Variants in MEGF6 observed in about 807,000 individuals in gnomAD.
MEGF6 encodes multiple epidermal growth factor-like domains protein 6.
In MEGF6, 184 loss-of-function variants were observed where a neutral mutation model predicts 207.1. The observed-to-expected ratio is 0.89, with a 90% CI of 0.79 to 1.00. The LOEUF (loss-of-function observed/expected upper bound fraction) is 1.00. Among genes scored for constraint, MEGF6 ranks in the 50% least tolerant of loss-of-function variants. The pLI is 0.00. For synonymous variants in MEGF6, 1,038 were observed against 910.0 expected, an observed-to-expected ratio of 1.14 and a Z score of -2.53; for missense variants, 2,282 against 2,202.9, an observed-to-expected ratio of 1.04 and a Z score of -0.72.
chr1:3,612,573 T>A (rs1644342314), upstream of MEGF6, among the ~76,000 whole-genome samples: 1 of 152,134 alleles, frequency 6.6e-6, no homozygotes, highest in Non-Finnish European at 1.5e-5. Flanking sequence ...GCCCCCTCAT[T>A]AGCCACACAA....
chr1:3,526,122 C>T (rs1641952736), intron 4 of MEGF6, among the ~76,000 whole-genome samples: 1 of 152,234 alleles, frequency 6.6e-6, no homozygotes, highest in South Asian at 2.1e-4. Flanking sequence ...CGCCATGACC[C>T]CCACCAGAGA....
At position 3,489,200 on chromosome 1, in the gene MEGF6, A is replaced by T. The variant is rs1640254777; in HGVS notation, c.*1328T>A. ...AAAGTCTCCCCACAGCGGTCCATTC[A>T]TCAGCTTCCTCTGTGACAGCTCCCT... On this transcript the variant is annotated 3_prime_UTR_variant, in exon 37 of 37. Transcript: ENST00000356575. Among the ~76,000 whole-genome samples the T allele has an allele frequency of 6.6e-6, 1 of 152,140 alleles. No homozygotes were observed. The highest frequency in any genetic ancestry group is 2.1e-4 in the South Asian group (1 of 4,820).
intron 1 of MEGF6, among the ~76,000 whole-genome samples, chr1:3,604,481 C>T (rs1644212347): frequency 1.3e-5 from 2 of 152,200 alleles, no homozygotes; most frequent in African/African-American, 2.4e-5. Context: ...GCTGCACGAA[C>T]CCAGGGCAGG....
intron 4 of MEGF6, among the ~76,000 whole-genome samples, chr1:3,578,922 G>A (rs536176216): frequency 6.6e-6 from 1 of 151,136 alleles, no homozygotes; most frequent in African/African-American, 2.5e-5. Flanking sequence ...GAGTGGGCAG[G>A]GGTGTCCTTC....
intron 4 of MEGF6, among the ~76,000 whole-genome samples, chr1:3,544,140 A>G (rs1642623871): frequency 6.6e-6 from 1 of 151,530 alleles, no homozygotes; most frequent in Admixed American, 6.6e-5. Flanking sequence ...TACAGGGCCC[A>G]CCACCACCCC....
chr1:3,505,398 CCCAGA>C lies in MEGF6; in HGVS notation c.2053+19_2053+23del. 1 of 1,576,454 alleles carries C rather than the reference CCCAGA, an allele frequency of 6.3e-7. No individual in the cohort carries two copies. Among genetic ancestry groups the C allele is most frequent in the Non-Finnish European group, 8.6e-7 (1 of 1,160,010 alleles). On this transcript the variant is annotated intron_variant, in intron 16 of 36. Coordinates refer to ENST00000356575, the MANE Select transcript of MEGF6 (RefSeq NM_001409.4). ...TTAACCGACCCTGGCGCCCCCCGCC[CCCAGA>C]CCCCATGCCTGGACTCACCTGCCTG...
intron 31 of MEGF6, 44 bp downstream of exon 31, chr1:3,494,569 C>G (rs1640519784): frequency 1.3e-6 from 2 of 1,560,900 alleles, no homozygotes; most frequent in Non-Finnish European, 1.7e-6. Context: ...CCCAGGGCAC[C>G]TCCCTGAGGG....
At chr1:3,612,896 C>T (rs892102770), upstream of MEGF6, among the ~76,000 whole-genome samples, 13 of 152,188 alleles carry the variant, frequency 8.5e-5, no homozygotes, top group Non-Finnish European at 1.5e-4. Context: ...TGCTGTCACC[C>T]CAGCTTTACA....
At chr1:3,569,115 G>A (rs1055539897) in intron 4 of MEGF6, among the ~76,000 whole-genome samples, 1 of 152,162 alleles carries the variant, frequency 6.6e-6, no homozygotes, top group East Asian at 1.9e-4. Context: ...GACTCCATCC[G>A]CCATAGCCAC....
At chr1:3,497,159 G>C (rs537474633) in intron 27 of MEGF6, 40 bp from the exon 28 acceptor site, 1 of 1,545,230 alleles carries the variant, frequency 6.5e-7, no homozygotes, top group Non-Finnish European at 8.7e-7. Context: ...GCCCAGCCCC[G>C]CCAAGGAACA....
At chr1:3,614,124 C>T (rs1368508879), upstream of MEGF6, among the ~76,000 whole-genome samples, 1 of 152,190 alleles carries the variant, frequency 6.6e-6, no homozygotes, top group African/African-American at 2.4e-5. Context: ...GGTCTTCCCC[C>T]ACTGCGCTCG....
chr1:3,515,866 A>G (rs991640272), intron 5 of MEGF6, among the ~76,000 whole-genome samples: 2 of 152,194 alleles, frequency 1.3e-5, no homozygotes, highest in Non-Finnish European at 2.9e-5. Context: ...ACTAAGCACC[A>G]GGGGTCTCTG....
chr1:3,574,391 A>T (rs569062510), intron 4 of MEGF6, among the ~76,000 whole-genome samples: 40 of 152,190 alleles, frequency 2.6e-4, no homozygotes, highest in Middle Eastern at 3.4e-3. Flanking sequence ...CTTGTCCGGA[A>T]CAAATTGCAC....
At chr1:3,536,666 C>G (rs1367210086) in intron 4 of MEGF6, among the ~76,000 whole-genome samples, 1 of 152,184 alleles carries the variant, frequency 6.6e-6, no homozygotes, top group African/African-American at 2.4e-5. Context: ...GCGTCTGTGC[C>G]TGGGAATGTG....
At chr1:3,508,500 C>T (rs1641202863) in intron 13 of MEGF6, 58 bp downstream of exon 13, 4 of 1,580,718 alleles carry the variant, frequency 2.5e-6, no homozygotes, top group African/African-American at 1.3e-5. Flanking sequence ...GGGCTGTCCC[C>T]AGGTCTTGGG....
Position 3,512,038 on chromosome 1 carries a change from T to C in MEGF6, c.944A>G (p.Tyr315Cys). 2 of 1,612,744 alleles carry C rather than the reference T, an allele frequency of 1.2e-6. No homozygotes were observed. The highest frequency in any genetic ancestry group is 1.3e-5 in the African/African-American group (1 of 75,040). The change falls in exon 8 of 37, where the codon TAT becomes TGT. Residue 315 changes from tyrosine (Y) to cysteine (C), a missense_variant. Transcript: ENST00000356575. ...GSFKCVCHAG[Y>C]ELGADGRQCY... Reference sequence around the variant, plus strand: ...CTGCCGGCCATCGGCGCCCAGCTCATAGCCCGCGTGACACACGCACTTGAA... The same window carrying C: ...CTGCCGGCCATCGGCGCCCAGCTCACAGCCCGCGTGACACACGCACTTGAA...
chr1:3,561,721 C>T (rs764518139), intron 4 of MEGF6, among the ~76,000 whole-genome samples: 9 of 152,184 alleles, frequency 5.9e-5, no homozygotes, highest in East Asian at 1.9e-4. Context: ...ACAGAAAACA[C>T]GGGGTGGGGT....
In MEGF6 at chr1:3,590,846, G is replaced by A. The variant is rs535275801; in HGVS notation, c.376+4492C>T. ...CCACAGGGCCCTCTAAAGAGTGAGC[G>A]TCTGTCCTGCACAGGGGCCGTGTAA... On this transcript the variant is annotated intron_variant, in intron 3 of 36. Transcript: ENST00000356575. Among the ~76,000 whole-genome samples the A allele has an allele frequency of 9.2e-5, 14 of 152,266 alleles. No individual in the cohort carries two copies. In the East Asian group the frequency reaches 1.2e-3, roughly 13 times the overall value.
At chr1:3,541,058 G>A (rs1642499689) in intron 4 of MEGF6, among the ~76,000 whole-genome samples, 2 of 152,222 alleles carry the variant, frequency 1.3e-5, no homozygotes, top group Admixed American at 1.3e-4. Context: ...AGGGCGGGGT[G>A]GGGCCAGGCG....
Sources: gnomAD v4.1 joint callset for allele counts (sites outside exome capture counted in the v4.1 genomes callset) on GRCh38, gnomAD v4.1.1 for gene constraint, MANE v1.5 for transcripts, NCBI Gene and HGNC (gene_info 2026-07-23, HGNC 2026-07-21) for gene names.